The following PUDP variants were observed in gnomAD, a reference collection of about 807,000 sequenced individuals.
The protein encoded by PUDP is pseudouridine-5'-phosphatase.
PUDP carries 8 observed loss-of-function variants against 9.4 expected under a neutral mutation model. The ratio of observed to expected loss-of-function variants is 0.85; its 90% CI spans 0.50 to 1.53. The LOEUF (loss-of-function observed/expected upper bound fraction) is 1.53. Among genes scored for constraint, PUDP ranks in the 40% most tolerant of loss-of-function variants. PUDP has a pLI of 0.00. For synonymous variants in PUDP, 99 were observed against 80.7 expected (o/e 1.23, Z -1.22); for missense variants, 188 against 189.7 (o/e 0.99, Z 0.05).
At position 6,974,569 on chromosome X, in the gene PUDP, C is replaced by T. The variant is rs757234140; in HGVS notation, c.*247+2564G>A. ...TCTCTTCTGGCTTGTAGTGTTTCTG[C>T]AGAGAGATCCACTGTTAGTCTGATG... On this transcript the variant is annotated intron_variant and NMD_transcript_variant, in intron 3 of 3. Transcript: ENST00000655425. Among the ~76,000 whole-genome samples the T allele has an allele frequency of 1.4e-4, 16 of 112,176 alleles. No homozygotes were observed. In the South Asian group the frequency reaches 5.6e-3, roughly 39 times the overall value.
chrX:6,993,402 A>G (rs747511173), intron 1 of PUDP, among the ~76,000 whole-genome samples: 2 of 112,179 alleles, frequency 1.8e-5, no homozygotes, highest in Middle Eastern at 4.2e-3. Context: ...TAACAAAAAT[A>G]GGAAGCAAAT....
intron 3 of PUDP, among the ~76,000 whole-genome samples, chrX:7,053,461 G>A (rs778063629): frequency 9.0e-6 from 1 of 111,640 alleles, no homozygotes; most frequent in East Asian, 2.8e-4. Context: ...ATTGAATCAT[G>A]GGGGCAGTTT....
At chrX:7,035,648 C>T (rs1447626470) in intron 1 of PUDP, among the ~76,000 whole-genome samples, 3 of 111,967 alleles carry the variant, frequency 2.7e-5, no homozygotes, top group Admixed American at 9.5e-5. Flanking sequence ...AGGATCCAGC[C>T]TTTACTCATT....
chrX:6,897,048 C>T (rs112759256), intron 3 of PUDP, among the ~76,000 whole-genome samples: 3,011 of 110,989 alleles, frequency 0.027, 82 homozygotes, highest in African/African-American at 0.092. Flanking sequence ...GGGTTGTTGG[C>T]CATGTTCATA....
At chrX:6,714,747 T>C (rs1437742460) in intron 1 of PUDP, among the ~76,000 whole-genome samples, 12 of 111,560 alleles carry the variant, frequency 1.1e-4, no homozygotes, top group African/African-American at 3.6e-4. Flanking sequence ...GAGATATAGA[T>C]GTATATATAT....
intron 1 of PUDP, among the ~76,000 whole-genome samples, chrX:7,024,591 CTT>C (rs34428928): frequency 2.4e-4 from 22 of 91,403 alleles, no homozygotes; most frequent in African/African-American, 3.4e-4. Flanking sequence ...AGCCTTCTCT[CTT>C]TTTTTTTTTT....
chrX:6,895,716 A>C (rs1262883218), intron 3 of PUDP, among the ~76,000 whole-genome samples: 1 of 111,472 alleles, frequency 9.0e-6, no homozygotes, highest in Non-Finnish European at 1.9e-5. Flanking sequence ...TTCCTTAATA[A>C]GACTGCCTTA....
At chrX:6,965,228 G>A (rs190034724) in intron 3 of PUDP, among the ~76,000 whole-genome samples, 5 of 111,726 alleles carry the variant, frequency 4.5e-5, no homozygotes, top group South Asian at 3.8e-4. Context: ...GTAAGCAGCC[G>A]AAGGTCAGAG....
At chrX:6,813,967 T>TTG (rs1926185978) in intron 3 of PUDP, among the ~76,000 whole-genome samples, 15 of 110,536 alleles carry the variant, frequency 1.4e-4, no homozygotes, top group Non-Finnish European at 2.8e-4. Context: ...AAGGCAGGAG[T>TTG]GAAACGCATT....
intron 3 of PUDP, among the ~76,000 whole-genome samples, chrX:6,755,089 T>A (rs1298743538): frequency 8.9e-6 from 1 of 111,785 alleles, no homozygotes; most frequent in Non-Finnish European, 1.9e-5. Context: ...GGAGATAATA[T>A]GGTATTAGAG....
At chrX:6,776,077 T>C (rs1047013017) in intron 3 of PUDP, among the ~76,000 whole-genome samples, 2 of 112,091 alleles carry the variant, frequency 1.8e-5, no homozygotes, top group Non-Finnish European at 1.9e-5. Context: ...TGGACATTTA[T>C]ACCTTTTTAA....
chrX:7,131,976 C>T (rs1455426336), intron 1 of PUDP, among the ~76,000 whole-genome samples: 1 of 110,202 alleles, frequency 9.1e-6, no homozygotes, highest in African/African-American at 3.3e-5. Context: ...CTGTGAGGCA[C>T]ATCCGACTGG....
chrX:7,060,703 G>C (rs1247730973), intron 3 of PUDP, among the ~76,000 whole-genome samples: 6 of 112,708 alleles, frequency 5.3e-5, no homozygotes, highest in African/African-American at 1.9e-4. Context: ...CAATGCAAAT[G>C]CAATTCATTT....
chrX:6,746,619 A>G (rs1040820545), intron 3 of PUDP, among the ~76,000 whole-genome samples: 2 of 107,687 alleles, frequency 1.9e-5, no homozygotes, highest in Middle Eastern at 4.6e-3. Context: ...CCCTGTGTCC[A>G]TGTGTTCTCA....
chrX:6,993,952 A>G (rs1239373413), intron 1 of PUDP, among the ~76,000 whole-genome samples: 1 of 112,302 alleles, frequency 8.9e-6, no homozygotes, highest in Non-Finnish European at 1.9e-5. Context: ...TTGTATGACA[A>G]TTAAGACAGA....
At chrX:7,121,473 G>A (rs1341403984) in intron 1 of PUDP, among the ~76,000 whole-genome samples, 5 of 111,391 alleles carry the variant, frequency 4.5e-5, no homozygotes, top group African/African-American at 1.6e-4. Context: ...GGAGCTTCAG[G>A]GTGCCTTCCC....
At chrX:6,879,235 C>G (rs1334433834) in intron 3 of PUDP, among the ~76,000 whole-genome samples, 1 of 112,060 alleles carries the variant, frequency 8.9e-6, no homozygotes, top group Non-Finnish European at 1.9e-5. Flanking sequence ...GAGGATAATG[C>G]TCAAAAAGAC....
chrX:6,824,309 C>T (rs1289279399), intron 3 of PUDP, among the ~76,000 whole-genome samples: 1 of 111,685 alleles, frequency 9.0e-6, no homozygotes, highest in African/African-American at 3.3e-5. Context: ...CCTGAGGCCT[C>T]CCCAGTCATG....
chrX:6,857,605 T>C (rs1892773891), intron 3 of PUDP, among the ~76,000 whole-genome samples: 2 of 111,014 alleles, frequency 1.8e-5, no homozygotes, highest in South Asian at 7.7e-4. Context: ...GTATAATATT[T>C]TTATTTTTTG....
Sources: gnomAD v4.1 joint callset for allele counts (sites outside exome capture counted in the v4.1 genomes callset) on GRCh38, gnomAD v4.1.1 for gene constraint, MANE v1.5 for transcripts, NCBI Gene and HGNC (gene_info 2026-07-23, HGNC 2026-07-21) for gene names.